The following PCDHA11 variants were observed in gnomAD, a reference collection of about 807,000 sequenced individuals.
PCDHA11 encodes protocadherin alpha 11, also known as protocadherin alpha-11.
PCDHA11 carries 61 observed loss-of-function variants against 70.3 expected under a neutral mutation model. The ratio of observed to expected loss-of-function variants is 0.87; its 90% CI spans 0.71 to 1.07. PCDHA11 has a LOEUF of 1.07. Ranked by LOEUF, PCDHA11 falls within the 50% of genes least tolerant of loss-of-function variation. The pLI, the probability that PCDHA11 is intolerant of heterozygous loss-of-function variation, is 0.00. For synonymous variants in PCDHA11, 633 were observed against 555.1 expected (o/e 1.14, Z -1.97); for missense variants, 1,324 against 1,237.5 (o/e 1.07, Z -1.05).
intron 1 of PCDHA11, among the ~76,000 whole-genome samples, chr5:140,932,720 G>A (rs868927369): frequency 6.6e-5 from 10 of 151,848 alleles, no homozygotes; most frequent in Non-Finnish European, 1.5e-5. Flanking sequence ...CAATAATATT[G>A]TATAATATAG....
At chr5:140,894,405 CT>C (rs1198263353) in intron 1 of PCDHA11, among the ~76,000 whole-genome samples, 2 of 151,926 alleles carry the variant, frequency 1.3e-5, no homozygotes, top group African/African-American at 4.8e-5. Context: ...CTTTGCTTTT[CT>C]TTTGTAGCTA....
intron 1 of PCDHA11, among the ~76,000 whole-genome samples, chr5:140,973,759 C>G (rs1050304490): frequency 2.0e-5 from 3 of 152,250 alleles, no homozygotes; most frequent in Non-Finnish European, 4.4e-5. Flanking sequence ...TGCAGGGACA[C>G]AGCCTGGCAT....
intron 3 of PCDHA11, among the ~76,000 whole-genome samples, chr5:141,000,415 A>ATTT (rs1563651650): frequency 1.1e-5 from 1 of 87,398 alleles, no homozygotes; most frequent in South Asian, 4.0e-4. Flanking sequence ...ATATATATAT[A>ATTT]TATATATTTT....
At chr5:140,980,358 G>A (rs143597147) in intron 2 of PCDHA11, among the ~76,000 whole-genome samples, 260 of 152,274 alleles carry the variant, frequency 1.7e-3, no homozygotes, top group South Asian at 0.014. Context: ...TGGACTGGGC[G>A]CGGTGGCTCA....
At chr5:140,964,840 C>G (rs1270845085) in intron 1 of PCDHA11, among the ~76,000 whole-genome samples, 1 of 152,152 alleles carries the variant, frequency 6.6e-6, no homozygotes, top group Non-Finnish European at 1.5e-5. Flanking sequence ...GCTTCCTACT[C>G]TGTACCCTTG....
intron 1 of PCDHA11, chr5:140,884,399 T>C (rs1554181524): frequency 6.2e-6 from 10 of 1,613,990 alleles, no homozygotes; most frequent in African/African-American, 4.0e-5. Flanking sequence ...GTCCAGCCTG[T>C]TGGTGCTCAC....
At chr5:140,967,588 A>G (rs782208520) in intron 1 of PCDHA11, 7 of 1,614,116 alleles carry the variant, frequency 4.3e-6, no homozygotes, top group Non-Finnish European at 5.1e-6. Flanking sequence ...CCCCAGGCAC[A>G]TTGGTGGTGA....
rs565071573 is a variant in PCDHA11, at chr5:141,009,664, G to C, written c.2577G>C (p.Ala859=). 1.7e-4 allele frequency: 273 copies of C among 1,613,982 alleles called. 2 individuals are homozygous for C. In the South Asian group the frequency reaches 2.8e-3, roughly 17 times the overall value. ...GAGAAGTGTCCCCTCCAGTCGGTGC[G>C]GGTGTCAACAGCAACAGCTGGACCT... ...EAGEVSPPVG[A]GVNSNSWTFK... The change falls in exon 4 of 4, where the codon GCG becomes GCC. Residue 859 remains alanine, a synonymous_variant. Transcript: ENST00000398640.
intron 3 of PCDHA11, among the ~76,000 whole-genome samples, chr5:140,988,533 C>G (rs1395075166): frequency 6.6e-6 from 1 of 152,160 alleles, no homozygotes; most frequent in African/African-American, 2.4e-5. Flanking sequence ...CTGGCTCCAT[C>G]CATTCATGAC....
At chr5:140,995,214 C>T (rs1193715389) in intron 3 of PCDHA11, among the ~76,000 whole-genome samples, 2 of 152,136 alleles carry the variant, frequency 1.3e-5, no homozygotes, top group Admixed American at 6.6e-5. Flanking sequence ...AGGCACAATA[C>T]TCTTGTGCTT....
At chr5:140,877,504 A>G (rs532509235) in intron 1 of PCDHA11, 1 of 1,613,764 alleles carries the variant, frequency 6.2e-7, no homozygotes, top group South Asian at 1.1e-5. Context: ...GGCCCCAAAG[A>G]CGTCGTCGCG....
At chr5:140,964,548 G>C (rs1468417797) in intron 1 of PCDHA11, among the ~76,000 whole-genome samples, 1 of 152,102 alleles carries the variant, frequency 6.6e-6, no homozygotes, top group East Asian at 1.9e-4. Context: ...AGATGGCAGC[G>C]ACTTGGAGGG....
rs782684247 is a variant in PCDHA11, at chr5:140,870,024, A to T, written c.921A>T (p.Leu307Phe). The T allele has an allele frequency of 3.1e-6, 5 of 1,613,624 alleles. No individual in the cohort carries two copies. The Admixed American group carries it at 6.7e-5, about 22-fold the overall frequency. The change falls in exon 1 of 4, where the codon TTA (leucine) becomes TTT (phenylalanine). Residue 307 changes from leucine (L) to phenylalanine (F), a missense_variant. Coordinates refer to ENST00000398640, the MANE Select transcript of PCDHA11 (RefSeq NM_018902.5). ...NNGEVRVNGT[L>F]DYEENKFYKI... The stretch of plus-strand genomic sequence containing the variant: ...GAGAAGTGAGGGTCAATGGAACTTT[A>T]GATTATGAAGAAAACAAGTTTTATA...
chr5:140,926,495 T>G (rs1033428952), intron 1 of PCDHA11: 3 of 181,806 alleles, frequency 1.7e-5, no homozygotes, highest in Non-Finnish European at 3.4e-5. Flanking sequence ...TGTTAGTGTC[T>G]CGGGGCGTCT....
In PCDHA11 at chr5:140,871,106, T is replaced by C. The variant is rs1554165125; in HGVS notation, c.2003T>C (p.Leu668Ser). ...GCCACGGCCACCGTGCTGGTGTCGTTGGTGGAGAGCGGACAGGCGCCAAAG... is the reference window on the plus strand; with the variant it reads ...GCCACGGCCACCGTGCTGGTGTCGTCGGTGGAGAGCGGACAGGCGCCAAAG... ...LTATATVLVS[L>S]VESGQAPKAS... The change falls in exon 1 of 4, where the codon TTG (leucine) becomes TCG (serine). Residue 668 changes from leucine to serine, a missense_variant. Transcript: ENST00000398640. The C allele has an allele frequency of 6.2e-7, 1 of 1,613,128 alleles. No homozygotes were observed. The highest frequency in any genetic ancestry group is 1.3e-5 in the African/African-American group (1 of 74,914).
At chr5:140,884,158 G>T (rs376345503) in intron 1 of PCDHA11, 6 of 1,613,488 alleles carry the variant, frequency 3.7e-6, no homozygotes, top group Non-Finnish European at 5.1e-6. Context: ...ACACTGGCGA[G>T]ATCAGCACGA....
intron 2 of PCDHA11, among the ~76,000 whole-genome samples, chr5:140,981,956 T>C (rs2096959461): frequency 6.6e-6 from 1 of 152,184 alleles, no homozygotes; most frequent in Non-Finnish European, 1.5e-5. Flanking sequence ...GGGTCATCTA[T>C]GCATAAAAGA....
intron 1 of PCDHA11, among the ~76,000 whole-genome samples, chr5:140,945,046 A>T (rs2093731107): frequency 6.6e-6 from 1 of 152,192 alleles, no homozygotes; most frequent in Non-Finnish European, 1.5e-5. Flanking sequence ...TTGGTCTTAT[A>T]TAAAGAAAAC....
At chr5:140,883,960 G>C in intron 1 of PCDHA11, 5 of 1,613,090 alleles carry the variant, frequency 3.1e-6, no homozygotes, top group Non-Finnish European at 4.2e-6. Flanking sequence ...ACGCTCCGGC[G>C]CTGCTGACGC....
Sources: allele counts gnomAD v4.1 joint callset (sites outside exome capture counted in the v4.1 genomes callset), GRCh38; gene constraint gnomAD v4.1.1; transcripts MANE v1.5; gene names NCBI Gene and HGNC (gene_info 2026-07-23, HGNC 2026-07-21).